The following CADPS2 variants were observed in gnomAD, a reference collection of about 807,000 sequenced individuals.
CADPS2 encodes calcium dependent secretion activator 2.
Under a neutral mutation model 172.5 loss-of-function variants are expected in CADPS2, and 93 were observed. The observed-to-expected ratio is 0.54, with a 90% confidence interval of 0.46 to 0.64. The LOEUF (loss-of-function observed/expected upper bound fraction) is 0.64. Ranked by LOEUF, CADPS2 falls within the 30% of genes least tolerant of loss-of-function variation. The pLI is 0.00. For missense variants in CADPS2, 1,420 were observed against 1,565.9 expected (o/e 0.91, Z 1.57); for synonymous variants, 546 against 555.2 (o/e 0.98, Z 0.23).
At chr7:122,705,749 T>TATC (rs1554736057) in intron 2 of CADPS2, among the ~76,000 whole-genome samples, 1 of 9,728 alleles carries the variant, frequency 1.0e-4, no homozygotes, top group African/African-American at 3.0e-4. Flanking sequence ...ATATATAATA[T>TATC]ATATAATATA....
At chr7:122,480,965 C>A in intron 11 of CADPS2, 105 bp from the exon 12 acceptor site, 2 of 957,324 alleles carry the variant, frequency 2.1e-6, no homozygotes, top group South Asian at 4.9e-5. Flanking sequence ...AATTTCTACT[C>A]ATGATTTTAA....
chr7:122,560,227 T>C (rs1285562544), intron 7 of CADPS2, among the ~76,000 whole-genome samples: 2 of 152,006 alleles, frequency 1.3e-5, no homozygotes, highest in Non-Finnish European at 1.5e-5. Flanking sequence ...AGGATGACAA[T>C]ACAGACAGGT....
At chr7:122,571,146 CA>C (rs2067207667) in intron 7 of CADPS2, among the ~76,000 whole-genome samples, 2 of 151,942 alleles carry the variant, frequency 1.3e-5, no homozygotes, top group South Asian at 4.2e-4. Context: ...TTTCCAAATT[CA>C]AAAATGAGAA....
intron 6 of CADPS2, among the ~76,000 whole-genome samples, chr7:122,583,752 T>C (rs2069191422): frequency 6.6e-6 from 1 of 151,262 alleles, no homozygotes; most frequent in Non-Finnish European, 1.5e-5. Context: ...CTAACACACA[T>C]ACATCATGTA....
intron 19 of CADPS2, among the ~76,000 whole-genome samples, chr7:122,411,453 C>T (rs188609748): frequency 6.6e-6 from 1 of 152,194 alleles, no homozygotes; most frequent in East Asian, 1.9e-4. Context: ...CTCCTGACTT[C>T]AGGTAATCCA....
chr7:122,582,302 A>G (rs979090011), intron 6 of CADPS2, among the ~76,000 whole-genome samples: 7 of 152,124 alleles, frequency 4.6e-5, no homozygotes, highest in Non-Finnish European at 1.0e-4. Context: ...TCAGTAAAGC[A>G]GGTATAATAA....
intron 7 of CADPS2, among the ~76,000 whole-genome samples, chr7:122,558,206 T>C (rs914187560): frequency 1.3e-5 from 2 of 152,166 alleles, no homozygotes; most frequent in African/African-American, 2.4e-5. Flanking sequence ...GAATTGTTTT[T>C]TTTTATTAGA....
Position 122,508,083 on chromosome 7 carries a change from GT to G in CADPS2, c.1542+5165del, listed in dbSNP as rs1383602873. On this transcript the variant is annotated intron_variant, in intron 9 of 29. Coordinates refer to ENST00000449022, the MANE Select transcript of CADPS2 (RefSeq NM_017954.11). ...TGTAGAAAATTTTATACACATACCT[GT>G]AGATATAAAGACATATATATGCATA... 2.0e-5 allele frequency among the ~76,000 whole-genome samples: 3 copies of G among 152,088 alleles called. No individual in the cohort carries two copies. In the East Asian group the frequency reaches 5.8e-4, roughly 29 times the overall value.
At position 122,697,928 on chromosome 7, in the gene CADPS2, G is replaced by A. The variant is rs368144489; in HGVS notation, c.454-34359C>T. 17 of 1,613,810 alleles carry A rather than the reference G, an allele frequency of 1.1e-5. No homozygotes were observed. In the African/African-American group the frequency reaches 2.1e-4, roughly 20 times the overall value. ...TCATTATTTGTCTCCTCTTCACTAG[G>A]TGATAAGGTTTCAGGCAGTTCATTT... is the stretch of plus-strand genomic sequence containing the variant. On this transcript the variant is annotated intron_variant, in intron 2 of 29. Coordinates refer to ENST00000449022, the MANE Select transcript of CADPS2 (RefSeq NM_017954.11).
At chr7:122,591,087 C>G (rs1052267859) in intron 6 of CADPS2, among the ~76,000 whole-genome samples, 1 of 151,928 alleles carries the variant, frequency 6.6e-6, no homozygotes, top group Non-Finnish European at 1.5e-5. Context: ...TTAGAAAACC[C>G]CATCATCACA....
chr7:122,861,443 A>G (rs1325198977), intron 1 of CADPS2, among the ~76,000 whole-genome samples: 1 of 152,130 alleles, frequency 6.6e-6, no homozygotes, highest in Non-Finnish European at 1.5e-5. Flanking sequence ...CCATTTTTAA[A>G]TTGGATTATT....
At chr7:122,684,210 A>T (rs921649788) in intron 2 of CADPS2, among the ~76,000 whole-genome samples, 5 of 152,110 alleles carry the variant, frequency 3.3e-5, no homozygotes, top group African/African-American at 1.2e-4. Flanking sequence ...CCTGTGGTTA[A>T]ATTGATATCA....
intron 3 of CADPS2, among the ~76,000 whole-genome samples, chr7:122,638,915 A>G (rs1400302624): frequency 6.6e-6 from 1 of 152,026 alleles, no homozygotes; most frequent in African/African-American, 2.4e-5. Context: ...ACTCGTCACT[A>G]TTTCCTCTCC....
Position 122,785,511 on chromosome 7 carries a change from C to A in CADPS2, c.340-48443G>T, listed in dbSNP as rs183430959. On this transcript the variant is annotated intron_variant, in intron 1 of 29. Transcript: ENST00000449022. ...GTAAATACCCCAGGTGAATTTTGAA[C>A]TAGAGCCCTAAAGGGTCTGAATCTT... is the stretch of plus-strand genomic sequence containing the variant. Among the ~76,000 whole-genome samples, 4 of 152,266 alleles carry A rather than the reference C, an allele frequency of 2.6e-5. No individual in the cohort carries two copies. In the East Asian group the frequency reaches 7.7e-4, roughly 29 times the overall value.
At chr7:122,634,591 C>T (rs1588003031) in intron 3 of CADPS2, among the ~76,000 whole-genome samples, 1 of 152,038 alleles carries the variant, frequency 6.6e-6, no homozygotes, top group Admixed American at 6.6e-5. Flanking sequence ...TCTATCAATC[C>T]TGTTTATGTT....
chr7:122,862,721 TTTG>T (rs1349037165), intron 1 of CADPS2, among the ~76,000 whole-genome samples: 1 of 152,050 alleles, frequency 6.6e-6, no homozygotes, highest in African/African-American at 2.4e-5. Context: ...TAAGCTCCAT[TTTG>T]TTTTTTTTAA....
intron 7 of CADPS2, among the ~76,000 whole-genome samples, chr7:122,568,759 T>G (rs1029874515): frequency 1.3e-5 from 2 of 151,926 alleles, no homozygotes; most frequent in African/African-American, 4.8e-5. Context: ...AGAGGAGAAT[T>G]CCAACTTTGG....
At position 122,523,280 on chromosome 7, in the gene CADPS2, C is replaced by T. The variant is rs180895824; in HGVS notation, c.1476-9965G>A. ...ATATATCTTAATATAGATGTCAATGCACTGTCACCTAGAAATAAAACAACT... is the reference window on the plus strand; with the variant it reads ...ATATATCTTAATATAGATGTCAATGTACTGTCACCTAGAAATAAAACAACT... On this transcript the variant is annotated intron_variant, in intron 8 of 29. Coordinates refer to ENST00000449022, the MANE Select transcript of CADPS2 (RefSeq NM_017954.11). 1.9e-3 allele frequency among the ~76,000 whole-genome samples: 286 copies of T among 152,186 alleles called. 1 individual carries two copies. Among genetic ancestry groups the T allele is most frequent in the African/African-American group, 6.6e-3 (274 of 41,536 alleles).
intron 8 of CADPS2, among the ~76,000 whole-genome samples, chr7:122,534,038 T>C (rs754060416): frequency 6.6e-6 from 1 of 152,120 alleles, no homozygotes; most frequent in Non-Finnish European, 1.5e-5. Flanking sequence ...CCAAGGCACA[T>C]CACATTCAAC....
Sources: gnomAD v4.1 joint callset for allele counts (sites outside exome capture counted in the v4.1 genomes callset) on GRCh38, gnomAD v4.1.1 for gene constraint, MANE v1.5 for transcripts, NCBI Gene and HGNC (gene_info 2026-07-23, HGNC 2026-07-21) for gene names.